Variants in RTKN2 observed in about 807,000 individuals in gnomAD.
RTKN2 encodes the protein rhotekin 2.
Under a neutral mutation model 71.5 loss-of-function variants are expected in RTKN2, and 69 were observed. That is an observed-to-expected ratio of 0.96 (90% CI 0.79 to 1.18). RTKN2 has a LOEUF of 1.18. Among genes scored for constraint, RTKN2 ranks in the 50% most tolerant of loss-of-function variants. The pLI, the probability that RTKN2 is intolerant of heterozygous loss-of-function variation, is 0.00. For missense variants in RTKN2, 724 were observed against 719.7 expected, an observed-to-expected ratio of 1.01 and a Z score of -0.07; for synonymous variants, 236 against 236.5, an observed-to-expected ratio of 1.00 and a Z score of 0.02.
In RTKN2 at chr10:62,207,321, CACT is replaced by C. The variant is rs139676282; in HGVS notation, c.1021-2302_1021-2300del. Among the ~76,000 whole-genome samples the C allele has an allele frequency of 8.2e-3, 1,246 of 152,122 alleles. 17 individuals are homozygous for C. Among genetic ancestry groups the C allele is most frequent in the African/African-American group, 0.029 (1,195 of 41,532 alleles). On this transcript the variant is annotated intron_variant, in intron 9 of 11. Transcript: ENST00000373789. ...CATTAATTCTGGTAGCCATAAATAT[CACT>C]ACATTTTTAAAACATCAGAGGTTTC...
chr10:62,241,260 C>T (rs1007224711), intron 3 of RTKN2, 65 bp from the exon 4 acceptor site: 3 of 880,914 alleles, frequency 3.4e-6, no homozygotes, highest in Non-Finnish European at 5.5e-6. Context: ...TTACAGTGAC[C>T]TGAACCTCTG....
At chr10:62,259,117 T>C in intron 2 of RTKN2, 1 of 420,040 alleles carries the variant, frequency 2.4e-6, no homozygotes, top group South Asian at 1.7e-5. Context: ...AGTGAGTAAG[T>C]CTCCCAAGAT....
chr10:62,260,881 C>T (rs1165443086), intron 2 of RTKN2, among the ~76,000 whole-genome samples: 1 of 152,140 alleles, frequency 6.6e-6, no homozygotes, highest in Non-Finnish European at 1.5e-5. Context: ...ATCAGGGCTT[C>T]TCAAACTTTT....
At chr10:62,206,030 T>A (rs1841541966) in intron 9 of RTKN2, among the ~76,000 whole-genome samples, 1 of 152,180 alleles carries the variant, frequency 6.6e-6, no homozygotes, top group Non-Finnish European at 1.5e-5. Flanking sequence ...AAGAAACTCC[T>A]GAAATTAATT....
At chr10:62,245,149 T>C (rs1229844596) in intron 3 of RTKN2, among the ~76,000 whole-genome samples, 1 of 152,152 alleles carries the variant, frequency 6.6e-6, no homozygotes, top group Non-Finnish European at 1.5e-5. Context: ...CAAGCCATTG[T>C]CTTTAGCTTC....
Position 62,195,689 on chromosome 10 carries a change from T to A in RTKN2, c.*2219A>T. ...AAGGAAGGAAACCAACTCTGTATTA[T>A]AACTACACTCCTTAGGTAAGGGGTA... is the stretch of plus-strand genomic sequence containing the variant. On this transcript the variant is annotated 3_prime_UTR_variant, in exon 12 of 12. Transcript: ENST00000373789. 1 of 981,586 alleles carries A rather than the reference T, an allele frequency of 1.0e-6. No individual in the cohort carries two copies. Among genetic ancestry groups the A allele is most frequent in the Non-Finnish European group, 1.2e-6 (1 of 827,342 alleles). The allele number at this position is 981,586 out of a possible 1,614,324, so 60.8% of individuals were successfully genotyped here. A position where few individuals can be genotyped will look rare whatever the true frequency, so the allele number is the denominator to read the frequency against.
chr10:62,223,338 A>AGG lies in RTKN2; in HGVS notation c.687-7_687-6insCC. The AGG allele has an allele frequency of 1.3e-6, 2 of 1,517,410 alleles. No individual in the cohort carries two copies. Among genetic ancestry groups the AGG allele is most frequent in the Non-Finnish European group, 1.8e-6 (2 of 1,093,170 alleles). The allele number at this position is 1,517,410 out of a possible 1,614,324, so 94.0% of individuals were successfully genotyped here. ...GCAAATTATACTTTACACCACTAAT[A>AGG]GTAAGAAAGAAGACATGTTTTAAGT... On this transcript the variant is annotated splice_region_variant and splice_polypyrimidine_tract_variant and intron_variant, in intron 6 of 11. Coordinates refer to ENST00000373789, the MANE Select transcript of RTKN2 (RefSeq NM_145307.4).
chr10:62,229,564 T>A (rs1165583150), intron 6 of RTKN2, among the ~76,000 whole-genome samples: 1 of 152,220 alleles, frequency 6.6e-6, no homozygotes, highest in Non-Finnish European at 1.5e-5. Context: ...AATTTATTCT[T>A]ATTGGCCACT....
At chr10:62,224,365 T>C (rs975519459) in intron 6 of RTKN2, among the ~76,000 whole-genome samples, 2 of 152,100 alleles carry the variant, frequency 1.3e-5, no homozygotes, top group African/African-American at 4.8e-5. Context: ...ATAGATGACA[T>C]TTTTCAACGA....
chr10:62,256,947 AAAG>A (rs1417084753), intron 2 of RTKN2, among the ~76,000 whole-genome samples: 1 of 152,156 alleles, frequency 6.6e-6, no homozygotes, highest in African/African-American at 2.4e-5. Flanking sequence ...TAAGAACATA[AAAG>A]AAGGTGACAA....
intron 9 of RTKN2, among the ~76,000 whole-genome samples, chr10:62,212,520 T>C (rs920024993): frequency 1.3e-5 from 2 of 152,038 alleles, no homozygotes; most frequent in Admixed American, 6.6e-5. Context: ...CTGGGTAACA[T>C]GGTGAAACCC....
intron 3 of RTKN2, among the ~76,000 whole-genome samples, chr10:62,245,474 A>G (rs1269124128): frequency 6.6e-6 from 1 of 152,120 alleles, no homozygotes; most frequent in East Asian, 1.9e-4. Flanking sequence ...AAGACTGGAG[A>G]AAAATGTTTG....
chr10:62,238,508 T>C (rs989967977), intron 5 of RTKN2: 2 of 151,838 alleles, frequency 1.3e-5, no homozygotes, highest in African/African-American at 4.8e-5. Context: ...ACTGGTAATT[T>C]TGGCAGAAAA....
intron 6 of RTKN2, among the ~76,000 whole-genome samples, chr10:62,233,123 C>T (rs1428951902): frequency 6.6e-6 from 1 of 152,110 alleles, no homozygotes; most frequent in African/African-American, 2.4e-5. Context: ...ACATCTTTGC[C>T]TTTCATATGA....
chr10:62,248,901 A>G (rs1423075013), intron 2 of RTKN2, among the ~76,000 whole-genome samples: 1 of 152,242 alleles, frequency 6.6e-6, no homozygotes, highest in Non-Finnish European at 1.5e-5. Flanking sequence ...AAGTACTAAA[A>G]TAATTCTAAA....
downstream of RTKN2, among the ~76,000 whole-genome samples, chr10:62,189,072 T>TTC (rs1232648984): frequency 6.6e-6 from 1 of 151,532 alleles, no homozygotes; most frequent in African/African-American, 2.4e-5. Flanking sequence ...TTTTTTTTTT[T>TTC]TTTTAACTAC....
Position 62,198,458 on chromosome 10 carries a change from AG to A in RTKN2, c.1295-16del. ...TGAATCAATGCCTATAATAATTTTAAGAAAAAAAAACATGAAAAAATTCAAA... is the reference window on the plus strand; with the variant it reads ...TGAATCAATGCCTATAATAATTTTAAAAAAAAAAACATGAAAAAATTCAAA... On this transcript the variant is annotated splice_polypyrimidine_tract_variant and intron_variant, in intron 11 of 11. Coordinates refer to ENST00000373789, the MANE Select transcript of RTKN2 (RefSeq NM_145307.4). The A allele has an allele frequency of 7.0e-7, 1 of 1,419,438 alleles. No homozygotes were observed. The highest frequency in any genetic ancestry group is 9.5e-7 in the Non-Finnish European group (1 of 1,055,274). The allele number at this position is 1,419,438 out of a possible 1,614,324, so 87.9% of individuals were successfully genotyped here. A position where few individuals can be genotyped will look rare whatever the true frequency, so the allele number is the denominator to read the frequency against.
chr10:62,218,360 C>A, intron 7 of RTKN2, 59 bp from the exon 8 acceptor site: 1 of 1,104,976 alleles, frequency 9.0e-7, no homozygotes, highest in South Asian at 1.4e-5. Context: ...TATTTAAGGT[C>A]ATCATACATT....
At chr10:62,251,267 T>C (rs1049053569) in intron 2 of RTKN2, among the ~76,000 whole-genome samples, 3 of 152,206 alleles carry the variant, frequency 2.0e-5, no homozygotes, top group African/African-American at 7.2e-5. Context: ...TTTATTACAG[T>C]ATATTGTTAT....
Sources: allele counts gnomAD v4.1 joint callset (sites outside exome capture counted in the v4.1 genomes callset), GRCh38; gene constraint gnomAD v4.1.1; transcripts MANE v1.5; gene names NCBI Gene and HGNC (gene_info 2026-07-23, HGNC 2026-07-21).